TENM4: variants seen among roughly 807,000 people sequenced by gnomAD.
The protein encoded by TENM4 is teneurin-4.
Under a neutral mutation model 243.3 loss-of-function variants are expected in TENM4, and 82 were observed. The ratio of observed to expected loss-of-function variants is 0.34; its 90% confidence interval spans 0.28 to 0.40. TENM4 has a LOEUF of 0.40. TENM4 is among the 10% of genes least tolerant of loss of function. The probability of loss-of-function intolerance (pLI) is 1.00; values close to 1 mark genes in which losing one functional copy is unlikely to be tolerated. For missense variants in TENM4, 3,138 were observed against 3,673.3 expected (o/e 0.85, Z 3.77); for synonymous variants, 1,412 against 1,456.3 (o/e 0.97, Z 0.69).
At chr11:78,914,478 T>C (rs1417542304) in intron 6 of TENM4, among the ~76,000 whole-genome samples, 1 of 152,208 alleles carries the variant, frequency 6.6e-6, no homozygotes, top group East Asian at 1.9e-4. Flanking sequence ...CTCTCCAGTA[T>C]TGAATGGGCT....
chr11:79,253,189 A>G (rs1197764966), intron 2 of TENM4, among the ~76,000 whole-genome samples: 1 of 152,208 alleles, frequency 6.6e-6, no homozygotes, highest in Non-Finnish European at 1.5e-5. Context: ...GGATTAATGG[A>G]TGAACAGACA....
chr11:78,726,585 G>C (rs1855516081), intron 22 of TENM4, among the ~76,000 whole-genome samples: 1 of 152,154 alleles, frequency 6.6e-6, no homozygotes, highest in African/African-American at 2.4e-5. Context: ...TGGAGGTGGG[G>C]CCTGGTGGGA....
intron 13 of TENM4, among the ~76,000 whole-genome samples, chr11:78,812,874 T>C (rs969094494): frequency 3.9e-5 from 6 of 152,218 alleles, no homozygotes; most frequent in African/African-American, 1.4e-4. Flanking sequence ...TATTATCTTT[T>C]CATTCTGCCT....
At chr11:78,969,995 T>G (rs1015982801) in intron 6 of TENM4, among the ~76,000 whole-genome samples, 3 of 152,228 alleles carry the variant, frequency 2.0e-5, no homozygotes, top group African/African-American at 7.2e-5. Context: ...TAAAACCAAA[T>G]GCATTCTTTT....
intron 3 of TENM4, among the ~76,000 whole-genome samples, chr11:79,159,812 T>G (rs931463433): frequency 5.9e-5 from 9 of 152,210 alleles, no homozygotes; most frequent in African/African-American, 1.7e-4. Context: ...ACTGACTCAG[T>G]CATTCATTTA....
intron 12 of TENM4, among the ~76,000 whole-genome samples, chr11:78,829,770 G>A (rs1010584907): frequency 3.9e-5 from 6 of 152,118 alleles, no homozygotes; most frequent in African/African-American, 1.4e-4. Context: ...GGAAAGACTG[G>A]AAATAGGGGC....
At chr11:78,828,954 T>C (rs962880423) in intron 12 of TENM4, among the ~76,000 whole-genome samples, 1 of 152,234 alleles carries the variant, frequency 6.6e-6, no homozygotes, top group African/African-American at 2.4e-5. Flanking sequence ...CCCTGACCAA[T>C]GTGACCAATG....
intron 1 of TENM4, among the ~76,000 whole-genome samples, chr11:79,305,813 C>T (rs573577699): frequency 6.6e-6 from 1 of 152,334 alleles, no homozygotes; most frequent in South Asian, 2.1e-4. Flanking sequence ...AGAGCCGAGG[C>T]TGATCTAGGC....
At chr11:78,899,566 G>A (rs11237654) in intron 7 of TENM4, among the ~76,000 whole-genome samples, 3 of 126,512 alleles carry the variant, frequency 2.4e-5, no homozygotes, top group Non-Finnish European at 3.4e-5. Flanking sequence ...AAGCGGGGGG[G>A]GGGGGAAAAA....
At chr11:78,872,395 C>T (rs1859157045) in intron 9 of TENM4, among the ~76,000 whole-genome samples, 1 of 152,182 alleles carries the variant, frequency 6.6e-6, no homozygotes, top group African/African-American at 2.4e-5. Flanking sequence ...CAAAGGATCT[C>T]CTGCCTGTTC....
At chr11:78,770,143 C>T (rs889684097) in intron 18 of TENM4, among the ~76,000 whole-genome samples, 7 of 152,170 alleles carry the variant, frequency 4.6e-5, no homozygotes, top group Non-Finnish European at 8.8e-5. Flanking sequence ...TTTTTATTCT[C>T]CTAATAACCA....
chr11:79,235,498 A>G (rs1864448329), intron 2 of TENM4, among the ~76,000 whole-genome samples: 1 of 152,036 alleles, frequency 6.6e-6, no homozygotes, highest in Admixed American at 6.6e-5. Context: ...GGACCCTAGG[A>G]CCTCTGTAAT....
chr11:78,924,012 G>A (rs762806689), intron 6 of TENM4, among the ~76,000 whole-genome samples: 23 of 150,604 alleles, frequency 1.5e-4, no homozygotes, highest in Non-Finnish European at 2.7e-4. Flanking sequence ...CTGCCACCAC[G>A]CCTGGCTTAT....
intron 6 of TENM4, among the ~76,000 whole-genome samples, chr11:78,990,244 C>A (rs1858009697): frequency 6.6e-6 from 1 of 152,092 alleles, no homozygotes; most frequent in African/African-American, 2.4e-5. Context: ...CAAGGTTACT[C>A]AGACAGAGTG....
chr11:79,370,937 C>T lies in TENM4; in HGVS notation c.-321+69572G>A, dbSNP rs923186278. On this transcript the variant is annotated intron_variant, in intron 1 of 33. Coordinates refer to ENST00000278550, the MANE Select transcript of TENM4 (RefSeq NM_001098816.3). Reference sequence around the variant, plus strand: ...GGTATTTATAATACACTAGGAACTCCTTCCAATTGACAAGAAAATGTCAGG... The same window carrying T: ...GGTATTTATAATACACTAGGAACTCTTTCCAATTGACAAGAAAATGTCAGG... Among the ~76,000 whole-genome samples, 12 of 152,184 alleles carry T rather than the reference C, an allele frequency of 7.9e-5. 1 individual carries two copies. Among genetic ancestry groups the T allele is most frequent in the Admixed American group, 3.9e-4 (6 of 15,296 alleles).
intron 14 of TENM4, among the ~76,000 whole-genome samples, chr11:78,810,182 T>C (rs373534068): frequency 1.3e-5 from 2 of 152,290 alleles, no homozygotes; most frequent in East Asian, 1.9e-4. Context: ...AACCCCATTA[T>C]AAACACAAGG....
intron 6 of TENM4, among the ~76,000 whole-genome samples, chr11:79,022,334 T>C (rs969248942): frequency 5.9e-5 from 9 of 152,224 alleles, no homozygotes; most frequent in Non-Finnish European, 8.8e-5. Context: ...TTTCATTCCG[T>C]GACCCTGTGG....
intron 2 of TENM4, among the ~76,000 whole-genome samples, chr11:79,253,055 T>G (rs754910265): frequency 3.9e-5 from 6 of 152,142 alleles, no homozygotes; most frequent in Non-Finnish European, 8.8e-5. Context: ...AGACAAAGGC[T>G]CCAAGAAGGA....
At chr11:79,008,079 G>A (rs1858539195) in intron 6 of TENM4, among the ~76,000 whole-genome samples, 1 of 152,122 alleles carries the variant, frequency 6.6e-6, no homozygotes, top group South Asian at 2.1e-4. Flanking sequence ...TTTTATGGCT[G>A]GCTGGGATTC....
Sources: allele counts gnomAD v4.1 joint callset (sites outside exome capture counted in the v4.1 genomes callset), GRCh38; gene constraint gnomAD v4.1.1; transcripts MANE v1.5; gene names NCBI Gene and HGNC (gene_info 2026-07-23, HGNC 2026-07-21).